SBF2: variants seen among roughly 807,000 people sequenced by gnomAD.
SBF2 encodes the protein SET binding factor 2.
Under a neutral mutation model 225.2 loss-of-function variants are expected in SBF2, and 112 were observed. That is an observed-to-expected ratio of 0.50 (90% CI 0.43 to 0.58). SBF2 has a LOEUF of 0.58. Among genes scored for constraint, SBF2 ranks in the 20% least tolerant of loss-of-function variants. The pLI is 0.00. For synonymous variants in SBF2, 763 were observed against 773.3 expected, an observed-to-expected ratio of 0.99 and a Z score of 0.22; for missense variants, 1,996 against 2,206.2, an observed-to-expected ratio of 0.90 and a Z score of 1.91.
At chr11:10,294,897 A>G (rs1471693866), upstream of SBF2, among the ~76,000 whole-genome samples, 1 of 152,234 alleles carries the variant, frequency 6.6e-6, no homozygotes, top group African/African-American at 2.4e-5. Flanking sequence ...CTTCCCTCGC[A>G]GCGGTCCCAG....
chr11:9,873,939 C>T (rs990489825), intron 17 of SBF2, among the ~76,000 whole-genome samples: 1 of 152,020 alleles, frequency 6.6e-6, no homozygotes, highest in Non-Finnish European at 1.5e-5. Flanking sequence ...ATCTCAGCTA[C>T]TCGGGAGGCT....
At chr11:10,178,273 A>G (rs200265242) in intron 2 of SBF2, among the ~76,000 whole-genome samples, 11,255 of 146,682 alleles carry the variant, frequency 0.077, 614 homozygotes, top group East Asian at 0.24. Flanking sequence ...CATTCAGGAC[A>G]TAAGCATGGG....
intron 2 of SBF2, among the ~76,000 whole-genome samples, chr11:10,167,365 A>C (rs115017715): frequency 0.022 from 3,298 of 152,208 alleles, 92 homozygotes; most frequent in African/African-American, 0.065. Context: ...GGAATTCTAG[A>C]CCAGCCTCAG....
intron 1 of SBF2, among the ~76,000 whole-genome samples, chr11:10,254,962 A>T (rs1311880111): frequency 2.0e-5 from 3 of 150,280 alleles, no homozygotes; most frequent in Non-Finnish European, 4.4e-5. Context: ...CAAAAACATC[A>T]ATGAACCTGG....
intron 1 of SBF2, among the ~76,000 whole-genome samples, chr11:10,240,548 C>T (rs188242503): frequency 2.0e-5 from 3 of 152,154 alleles, no homozygotes; most frequent in East Asian, 1.9e-4. Context: ...GATCTGAGAA[C>T]GCATGCTCTT....
intron 2 of SBF2, among the ~76,000 whole-genome samples, chr11:10,161,323 G>T (rs1160620582): frequency 6.7e-6 from 1 of 150,224 alleles, no homozygotes; most frequent in Non-Finnish European, 1.5e-5. Flanking sequence ...CTCCTAATAG[G>T]GTATGAAGCC....
intron 1 of SBF2, among the ~76,000 whole-genome samples, chr11:10,260,533 G>A (rs569013914): frequency 6.6e-6 from 1 of 151,916 alleles, no homozygotes; most frequent in Non-Finnish European, 1.5e-5. Context: ...TGGCTAACAG[G>A]ATGAAACCCC....
chr11:10,250,252 T>G (rs1960217734), intron 1 of SBF2, among the ~76,000 whole-genome samples: 1 of 152,192 alleles, frequency 6.6e-6, no homozygotes, highest in South Asian at 2.1e-4. Flanking sequence ...TTGAACTCCA[T>G]GGTCTAAGTT....
At position 9,979,277 on chromosome 11, in the gene SBF2, C is replaced by G. The variant is rs1430010549; in HGVS notation, c.1395+10220G>C. Among the ~76,000 whole-genome samples, 8 of 152,294 alleles carry G rather than the reference C, an allele frequency of 5.3e-5. No individual in the cohort carries two copies. In the East Asian group the frequency reaches 1.5e-3, roughly 29 times the overall value. ...TAATTCCATGCCTGGCACAATATAG[C>G]TAACTGCTCTCATGCAGACACTGAA... On this transcript the variant is annotated intron_variant, in intron 13 of 39. Coordinates refer to ENST00000256190, the MANE Select transcript of SBF2 (RefSeq NM_030962.4).
intron 16 of SBF2, among the ~76,000 whole-genome samples, chr11:9,919,562 G>C (rs1032242346): frequency 6.6e-6 from 1 of 152,004 alleles, no homozygotes; most frequent in East Asian, 1.9e-4. Context: ...TGCATGCACC[G>C]GTAATTAGGT....
intron 32 of SBF2, among the ~76,000 whole-genome samples, chr11:9,806,482 T>C (rs1001625894): frequency 6.6e-6 from 1 of 152,236 alleles, no homozygotes; most frequent in Non-Finnish European, 1.5e-5. Flanking sequence ...TCCTTTGGCC[T>C]CAGGTAAGCT....
At chr11:10,158,774 C>G (rs569594195) in intron 2 of SBF2, among the ~76,000 whole-genome samples, 1 of 152,202 alleles carries the variant, frequency 6.6e-6, no homozygotes, top group Admixed American at 6.5e-5. Context: ...TGGAATTCAA[C>G]AGCACACTGC....
chr11:9,932,668 G>A (rs932876921), intron 16 of SBF2, among the ~76,000 whole-genome samples: 2 of 152,052 alleles, frequency 1.3e-5, no homozygotes, highest in Non-Finnish European at 2.9e-5. Flanking sequence ...ACCAGCCACT[G>A]CAAAAACATG....
rs774536466 is a variant in SBF2, at chr11:9,968,532, G to C, written c.1409C>G (p.Pro470Arg). The part of the protein sequence containing the change: ...EQLFKNENPN[P>R]HMAFQKVPRP... ...TGGAACTTTCTGGAATGCCATATGA[G>C]GATTTGGATTCTCCTGTAATATCAG... Residue 470 changes from proline (P) to arginine (R), a missense_variant, in exon 14 of 40, where the codon CCT (proline) becomes CGT (arginine). Transcript: ENST00000256190. The C allele has an allele frequency of 1.2e-6, 2 of 1,613,448 alleles. No homozygotes were observed. Among genetic ancestry groups the C allele is most frequent in the African/African-American group, 2.7e-5 (2 of 74,878 alleles).
At chr11:9,959,503 T>C in intron 16 of SBF2, 2 of 823,618 alleles carry the variant, frequency 2.4e-6, no homozygotes, top group Non-Finnish European at 4.3e-6. Context: ...TCGATTGCAC[T>C]TGAAAACTTC....
At chr11:9,888,779 A>T (rs1860550697) in intron 17 of SBF2, among the ~76,000 whole-genome samples, 1 of 152,148 alleles carries the variant, frequency 6.6e-6, no homozygotes, top group Non-Finnish European at 1.5e-5. Context: ...TAGTTAAAGA[A>T]CTTGAGGTTT....
At chr11:10,084,313 A>G (rs1476471149) in intron 2 of SBF2, among the ~76,000 whole-genome samples, 1 of 152,228 alleles carries the variant, frequency 6.6e-6, no homozygotes, top group Non-Finnish European at 1.5e-5. Flanking sequence ...AAATGACCAA[A>G]AAGCATAGGA....
chr11:10,121,473 T>C (rs757514833), intron 2 of SBF2, among the ~76,000 whole-genome samples: 91 of 152,230 alleles, frequency 6.0e-4, no homozygotes, highest in South Asian at 2.1e-4. Flanking sequence ...AGGAAAGATA[T>C]ATCCCCCTCC....
Position 9,813,125 on chromosome 11 carries a change from C to T in SBF2, c.3979-417G>A, listed in dbSNP as rs149660366. On this transcript the variant is annotated intron_variant, in intron 29 of 39. Coordinates refer to ENST00000256190, the MANE Select transcript of SBF2 (RefSeq NM_030962.4). ...CTCCAACAGTGTAAACTAAGTCTTC[C>T]CAAGATGTATATGGTAAGGGATAGG... Among the ~76,000 whole-genome samples the T allele has an allele frequency of 4.6e-5, 7 of 152,192 alleles. No individual in the cohort carries two copies. In the East Asian group the frequency reaches 1.3e-3, roughly 29 times the overall value.
Sources: allele counts gnomAD v4.1 joint callset (sites outside exome capture counted in the v4.1 genomes callset), GRCh38; gene constraint gnomAD v4.1.1; transcripts MANE v1.5; gene names NCBI Gene and HGNC (gene_info 2026-07-23, HGNC 2026-07-21).